Variants in BRINP1 observed in about 807,000 individuals in gnomAD.
BRINP1 encodes BMP/retinoic acid-inducible neural-specific protein 1.
In BRINP1, 17 loss-of-function variants were observed where a neutral mutation model predicts 72.9. That is an observed-to-expected ratio of 0.23 (90% CI 0.16 to 0.35). The LOEUF is 0.35. Ranked by LOEUF, BRINP1 falls within the 10% of genes least tolerant of loss-of-function variation. The probability of loss-of-function intolerance (pLI) is 1.00; values close to 1 mark genes in which losing one functional copy is unlikely to be tolerated. For synonymous variants in BRINP1, 418 were observed against 378.5 expected (o/e 1.10, Z -1.21); for missense variants, 850 against 1,001.6 (o/e 0.85, Z 2.04).
At chr9:119,264,203 G>A (rs552383795) in intron 2 of BRINP1, among the ~76,000 whole-genome samples, 1 of 152,278 alleles carries the variant, frequency 6.6e-6, no homozygotes, top group African/African-American at 2.4e-5. Context: ...CACCTTAGTG[G>A]GTTCATTTTT....
At chr9:119,237,346 C>CATTATTATTATTATTATT (rs34106507) in intron 5 of BRINP1, among the ~76,000 whole-genome samples, 8,136 of 144,970 alleles carry the variant, frequency 0.056, 457 homozygotes, top group East Asian at 0.13. Flanking sequence ...TTTCTTGCTA[C>CATTATTATTATTATTATT]ATTATTATTA....
chr9:119,301,778 A>G (rs952483178), intron 2 of BRINP1, among the ~76,000 whole-genome samples: 1 of 152,218 alleles, frequency 6.6e-6, no homozygotes, highest in African/African-American at 2.4e-5. Context: ...GTACTATCGT[A>G]GCAACTTCTT....
At chr9:119,299,240 C>T (rs988859852) in intron 2 of BRINP1, among the ~76,000 whole-genome samples, 1 of 152,204 alleles carries the variant, frequency 6.6e-6, no homozygotes, top group Non-Finnish European at 1.5e-5. Context: ...AATTCCCCCA[C>T]TCCTCAACCG....
At chr9:119,340,822 T>A (rs548677171) in intron 1 of BRINP1, among the ~76,000 whole-genome samples, 2 of 152,166 alleles carry the variant, frequency 1.3e-5, no homozygotes, top group East Asian at 3.9e-4. Context: ...TTTAAATGTA[T>A]CAGTCCTTAA....
chr9:119,321,478 T>C (rs146030779), intron 1 of BRINP1, among the ~76,000 whole-genome samples: 143 of 152,226 alleles, frequency 9.4e-4, no homozygotes, highest in African/African-American at 3.1e-3. Context: ...GGAATTTATT[T>C]ATTTTTTTTA....
At chr9:119,316,924 C>A (rs1831130897) in intron 1 of BRINP1, among the ~76,000 whole-genome samples, 3 of 148,934 alleles carry the variant, frequency 2.0e-5, no homozygotes, top group Admixed American at 1.3e-4. Flanking sequence ...AACCCCGCCT[C>A]TACTAAAAAT....
intron 1 of BRINP1, among the ~76,000 whole-genome samples, chr9:119,335,698 T>C (rs1831339619): frequency 6.6e-6 from 1 of 152,184 alleles, no homozygotes; most frequent in Non-Finnish European, 1.5e-5. Context: ...ATATCAGTGA[T>C]TTGTTCAACA....
chr9:119,196,523 T>G (rs996353953), intron 7 of BRINP1, among the ~76,000 whole-genome samples: 1 of 152,174 alleles, frequency 6.6e-6, no homozygotes, highest in Non-Finnish European at 1.5e-5. Flanking sequence ...AGATGCAAAC[T>G]CCACCACTAG....
At chr9:119,237,306 G>T (rs1236231443) in intron 5 of BRINP1, among the ~76,000 whole-genome samples, 5 of 151,494 alleles carry the variant, frequency 3.3e-5, no homozygotes, top group Non-Finnish European at 7.4e-5. Context: ...TAGAGATCCA[G>T]AAGTAAGCTC....
chr9:119,212,332 T>C lies in BRINP1; in HGVS notation c.922+1587A>G, dbSNP rs1271331338. ...TTTATCTGTGGTACACAGTGGCTCC[T>C]AGGTAAGATTTTGCTTGATCAAATA... On this transcript the variant is annotated intron_variant, in intron 6 of 7. Coordinates refer to ENST00000265922, the MANE Select transcript of BRINP1 (RefSeq NM_014618.3). Among the ~76,000 whole-genome samples, 3 of 152,362 alleles carry C rather than the reference T, an allele frequency of 2.0e-5. No homozygotes were observed. In the East Asian group the frequency reaches 5.8e-4, roughly 29 times the overall value.
chr9:119,292,297 G>A lies in BRINP1; in HGVS notation c.218+20841C>T, dbSNP rs138102262. On this transcript the variant is annotated intron_variant, in intron 2 of 7. Transcript: ENST00000265922. Reference sequence around the variant, plus strand: ...CTCTGCTCAAGTTGACTGCTTAAACGGAGAAGAAAAATATAATGGACGTAG... The same window carrying A: ...CTCTGCTCAAGTTGACTGCTTAAACAGAGAAGAAAAATATAATGGACGTAG... Among the ~76,000 whole-genome samples, 124 of 152,190 alleles carry A rather than the reference G, an allele frequency of 8.1e-4. No individual in the cohort carries two copies. In the East Asian group the frequency reaches 0.015, roughly 18 times the overall value.
chr9:119,246,845 G>T (rs1830325062), intron 3 of BRINP1, among the ~76,000 whole-genome samples: 1 of 152,116 alleles, frequency 6.6e-6, no homozygotes, highest in Non-Finnish European at 1.5e-5. Flanking sequence ...AAATCTCTTT[G>T]CCTTCCTTCT....
At chr9:119,237,846 G>A (rs1016462452) in intron 5 of BRINP1, among the ~76,000 whole-genome samples, 14 of 151,666 alleles carry the variant, frequency 9.2e-5, no homozygotes, top group Non-Finnish European at 2.1e-4. Flanking sequence ...ATTTTTAGTA[G>A]AGACTGGGCT....
rs148459132 is a variant in BRINP1 at position 119,277,688 on chromosome 9, T to C, written c.219-28538A>G. ...AATGCTGAGGGAAAAGGTGCCTGGT[T>C]ATCAGAGTTAGTGCCTAATTTCTTG... On this transcript the variant is annotated intron_variant, in intron 2 of 7. Coordinates refer to ENST00000265922, the MANE Select transcript of BRINP1 (RefSeq NM_014618.3). Among the ~76,000 whole-genome samples, 298 of 152,294 alleles carry C rather than the reference T, an allele frequency of 2.0e-3. 1 individual carries two copies. Among genetic ancestry groups the C allele is most frequent in the African/African-American group, 6.9e-3 (288 of 41,564 alleles).
Position 119,337,975 on chromosome 9 carries a change from C to T in BRINP1, c.-50-24570G>A, listed in dbSNP as rs1831364330. On this transcript the variant is annotated intron_variant, in intron 1 of 7. Transcript: ENST00000265922. ...CTAATCCTGGCTCCTCCATATCTCC[C>T]CCTGAACTTGCTGGGCAGGTAGCCT... 3.3e-5 allele frequency among the ~76,000 whole-genome samples: 5 copies of T among 152,186 alleles called. No individual in the cohort carries two copies. The South Asian group carries it at 1.0e-3, about 32-fold the overall frequency.
chr9:119,320,489 G>C (rs1040246444), intron 1 of BRINP1, among the ~76,000 whole-genome samples: 1 of 152,208 alleles, frequency 6.6e-6, no homozygotes, highest in African/African-American at 2.4e-5. Flanking sequence ...AGTAGGGAGA[G>C]GGGAGGAAAC....
rs1477644575 is a variant in BRINP1 at position 119,171,007 on chromosome 9, G to A, written c.1146-2783C>T. ...CGCTAAACATGGAAAGGAACAACCG[G>A]TACCAGCCGCTGCAAAATCATGCCA... is the stretch of plus-strand genomic sequence containing the variant. On this transcript the variant is annotated intron_variant, in intron 7 of 7. Transcript: ENST00000265922. 2.4e-3 allele frequency among the ~76,000 whole-genome samples: 349 copies of A among 144,586 alleles called. 2 individuals carry two copies. Among genetic ancestry groups the A allele is most frequent in the Non-Finnish European group, 3.2e-3 (217 of 66,852 alleles). 94.9% of individuals were successfully genotyped at this position (144,586 alleles called of 152,430 possible).
intron 2 of BRINP1, among the ~76,000 whole-genome samples, chr9:119,257,371 ATAAAG>A (rs1383666233): frequency 1.3e-5 from 2 of 152,228 alleles, no homozygotes; most frequent in East Asian, 3.8e-4. Context: ...ATAAGCAACA[ATAAAG>A]CAACTCCATG....
chr9:119,285,422 T>C (rs1588191366), intron 2 of BRINP1, among the ~76,000 whole-genome samples: 1 of 152,268 alleles, frequency 6.6e-6, no homozygotes. Context: ...ACGCTTACCA[T>C]CAAAACAATT....
Sources: gnomAD v4.1 joint callset for allele counts (sites outside exome capture counted in the v4.1 genomes callset) on GRCh38, gnomAD v4.1.1 for gene constraint, MANE v1.5 for transcripts, NCBI Gene and HGNC (gene_info 2026-07-23, HGNC 2026-07-21) for gene names.